The following ENAH variants were observed in gnomAD, a reference collection of about 807,000 sequenced individuals.
ENAH encodes the protein ENAH actin regulator, also known as protein enabled homolog.
A neutral mutation model predicts 78.7 loss-of-function variants in ENAH; 23 were observed. That is an observed-to-expected ratio of 0.29 (90% confidence interval 0.21 to 0.41). The LOEUF (loss-of-function observed/expected upper bound fraction) is 0.41. Among genes scored for constraint, ENAH ranks in the 10% least tolerant of loss-of-function variants. The pLI is 1.00. For missense variants in ENAH, 544 were observed against 691.0 expected, an observed-to-expected ratio of 0.79 and a Z score of 2.39; for synonymous variants, 226 against 241.0, an observed-to-expected ratio of 0.94 and a Z score of 0.58.
chr1:225,625,170 A>G (rs986663579), intron 1 of ENAH, among the ~76,000 whole-genome samples: 1 of 152,236 alleles, frequency 6.6e-6, no homozygotes, highest in African/African-American at 2.4e-5. Context: ...TCCTTAGGCT[A>G]TGAATGTTTA....
At position 225,646,693 on chromosome 1, in the gene ENAH, G is replaced by C. The variant is rs940964367; in HGVS notation, c.5+5993C>G. On this transcript the variant is annotated intron_variant, in intron 1 of 13. Transcript: ENST00000366843. ...GGTCCCACCTGCTCAGGAGGCTGAG[G>C]CAGGAGAATGGTGTGAACCCGGGAG... Among the ~76,000 whole-genome samples, 6 of 152,158 alleles carry C rather than the reference G, an allele frequency of 3.9e-5. No homozygotes were observed. The East Asian group carries it at 1.2e-3, about 29-fold the overall frequency.
chr1:225,634,831 T>G (rs558303909), intron 1 of ENAH, among the ~76,000 whole-genome samples: 129 of 152,366 alleles, frequency 8.5e-4, no homozygotes, highest in Admixed American at 1.6e-3. Context: ...TTACTGTAAC[T>G]GCAAAGTTAA....
chr1:225,581,985 T>C (rs907249617), intron 1 of ENAH, among the ~76,000 whole-genome samples: 10 of 152,022 alleles, frequency 6.6e-5, no homozygotes, highest in Non-Finnish European at 1.5e-4. Context: ...ATGAAATGTA[T>C]GGTTTGGATC....
At chr1:225,621,526 T>C (rs1484018633) in intron 1 of ENAH, among the ~76,000 whole-genome samples, 2 of 151,720 alleles carry the variant, frequency 1.3e-5, no homozygotes, top group African/African-American at 4.9e-5. Context: ...TCTCCTGACC[T>C]CGTGATCCGC....
chr1:225,604,949 G>A lies in ENAH; in HGVS notation c.6-37535C>T, dbSNP rs556726135. ...TACTTAGGAGAAAACAGTAATGTTA[G>A]AGTGGGAAAAGGGCATCCTCATACC... On this transcript the variant is annotated intron_variant, in intron 1 of 13. Coordinates refer to ENST00000366843, the MANE Select transcript of ENAH (RefSeq NM_018212.6). Among the ~76,000 whole-genome samples the A allele has an allele frequency of 7.2e-4, 109 of 152,322 alleles. 1 individual carries two copies. Among genetic ancestry groups the A allele is most frequent in the Non-Finnish European group, 1.3e-3 (88 of 68,022 alleles).
intron 1 of ENAH, among the ~76,000 whole-genome samples, chr1:225,596,080 G>C (rs937348761): frequency 1.3e-5 from 2 of 152,036 alleles, no homozygotes; most frequent in Non-Finnish European, 2.9e-5. Flanking sequence ...TAATAACAAA[G>C]AAAGACTCTT....
chr1:225,536,311 G>T (rs1053161030), intron 3 of ENAH, among the ~76,000 whole-genome samples: 13 of 151,962 alleles, frequency 8.6e-5, no homozygotes. Flanking sequence ...TCAATGAGAA[G>T]GTGATGATCT....
intron 1 of ENAH, among the ~76,000 whole-genome samples, chr1:225,588,658 A>C (rs1053876269): frequency 6.6e-6 from 1 of 152,228 alleles, no homozygotes; most frequent in African/African-American, 2.4e-5. Flanking sequence ...AAATACAAAA[A>C]TTAGCTGGGC....
Position 225,495,716 on chromosome 1 carries a change from A to G in ENAH, c.*2059T>C, listed in dbSNP as rs2096247029. The G allele has an allele frequency of 6.6e-6, 1 of 152,542 alleles. No homozygotes were observed. The highest frequency in any genetic ancestry group is 2.1e-4 in the South Asian group (1 of 4,834). The allele number at this position is 152,542 out of a possible 1,614,324, so 9.4% of individuals were successfully genotyped here. ...ATATTATCAAAGTGTTTGCATAACC[A>G]AAAGTACAATAATAAAGATGAAAAT... On this transcript the variant is annotated 3_prime_UTR_variant, in exon 14 of 14. Coordinates refer to ENST00000366843, the MANE Select transcript of ENAH (RefSeq NM_018212.6).
chr1:225,558,884 C>T (rs1192584733), intron 2 of ENAH, among the ~76,000 whole-genome samples: 4 of 152,162 alleles, frequency 2.6e-5, no homozygotes, highest in African/African-American at 9.6e-5. Context: ...CTGCCCACCT[C>T]GGCCTCCCAA....
intron 3 of ENAH, among the ~76,000 whole-genome samples, chr1:225,552,306 T>G (rs1396799763): frequency 6.6e-6 from 1 of 151,782 alleles, no homozygotes; most frequent in African/African-American, 2.4e-5. Flanking sequence ...CCGGCTAATT[T>G]TTTTGTATTT....
chr1:225,532,616 ATTTAT>A (rs1454183808), intron 3 of ENAH, among the ~76,000 whole-genome samples: 4 of 152,078 alleles, frequency 2.6e-5, no homozygotes, highest in Admixed American at 1.3e-4. Context: ...ACTCAATCCT[ATTTAT>A]TTTATTTAAC....
At position 225,499,699 on chromosome 1, in the gene ENAH, A is replaced by C. The variant is rs189486818; in HGVS notation, c.1617+1293T>G. ...AAACAAAAAACAAAGAAATAAAAAA[A>C]CCCCCTGCAGATTCAAGATCAGAGG... On this transcript the variant is annotated intron_variant, in intron 12 of 13. Coordinates refer to ENST00000366843, the MANE Select transcript of ENAH (RefSeq NM_018212.6). 6.9e-3 allele frequency among the ~76,000 whole-genome samples: 1,056 copies of C among 152,074 alleles called. 18 individuals are homozygous for C. Among genetic ancestry groups the C allele is most frequent in the African/African-American group, 0.022 (896 of 41,470 alleles).
At chr1:225,577,686 G>C (rs1323273231) in intron 1 of ENAH, among the ~76,000 whole-genome samples, 1 of 152,136 alleles carries the variant, frequency 6.6e-6, no homozygotes. Context: ...AAAGAAAATG[G>C]TCAGTCTAAA....
chr1:225,605,143 C>A (rs2096950492), intron 1 of ENAH, among the ~76,000 whole-genome samples: 1 of 152,142 alleles, frequency 6.6e-6, no homozygotes, highest in Non-Finnish European at 1.5e-5. Context: ...TGGGTAAATA[C>A]AATTGTAGAT....
intron 10 of ENAH, among the ~76,000 whole-genome samples, chr1:225,510,042 C>T (rs1361136570): frequency 6.6e-6 from 1 of 152,228 alleles, no homozygotes; most frequent in Non-Finnish European, 1.5e-5. Flanking sequence ...AAAAGGTTAA[C>T]TTCACACCTG....
At chr1:225,594,935 T>C (rs2096895159) in intron 1 of ENAH, among the ~76,000 whole-genome samples, 1 of 152,162 alleles carries the variant, frequency 6.6e-6, no homozygotes, top group South Asian at 2.1e-4. Context: ...AAAATAGGTA[T>C]ACAGAAAACA....
intron 1 of ENAH, among the ~76,000 whole-genome samples, chr1:225,606,734 T>C (rs1371553762): frequency 6.7e-6 from 1 of 148,998 alleles, no homozygotes; most frequent in Non-Finnish European, 1.5e-5. Context: ...TCCCAGCTAC[T>C]TGAGAGGCTG....
intron 5 of ENAH, among the ~76,000 whole-genome samples, chr1:225,518,159 A>AT (rs1287894087): frequency 2.0e-5 from 3 of 152,226 alleles, no homozygotes; most frequent in African/African-American, 7.2e-5. Context: ...ACCCAAGAAT[A>AT]TTTTAACTTG....
Sources: gnomAD v4.1 joint callset for allele counts (sites outside exome capture counted in the v4.1 genomes callset) on GRCh38, gnomAD v4.1.1 for gene constraint, MANE v1.5 for transcripts, NCBI Gene and HGNC (gene_info 2026-07-23, HGNC 2026-07-21) for gene names.